EPC1: variants seen among roughly 807,000 people sequenced by gnomAD.
The protein encoded by EPC1 is enhancer of polycomb homolog 1.
In EPC1, 12 loss-of-function variants were observed where a neutral mutation model predicts 98.4. The ratio of observed to expected loss-of-function variants is 0.12; its 90% CI spans 0.08 to 0.20. The LOEUF is 0.20. Ranked by LOEUF, EPC1 falls within the 10% of genes least tolerant of loss-of-function variation. EPC1 has a pLI of 1.00. For synonymous variants in EPC1, 357 were observed against 363.9 expected (o/e 0.98, Z 0.21); for missense variants, 729 against 990.5 (o/e 0.74, Z 3.54).
chr10:32,293,485 T>C (rs1592558429), intron 3 of EPC1, 107 bp downstream of exon 3: 1 of 1,067,086 alleles, frequency 9.4e-7, no homozygotes. Flanking sequence ...TTTTTAACTC[T>C]AAAGCCTGAC....
chr10:32,276,506 C>T (rs1156807310), intron 10 of EPC1, among the ~76,000 whole-genome samples: 1 of 152,150 alleles, frequency 6.6e-6, no homozygotes, highest in African/African-American at 2.4e-5. Context: ...AGCAAGACTT[C>T]ATCTTAAAAA....
At chr10:32,309,059 G>A (rs1027176556) in intron 1 of EPC1, among the ~76,000 whole-genome samples, 1 of 152,050 alleles carries the variant, frequency 6.6e-6, no homozygotes, top group Non-Finnish European at 1.5e-5. Flanking sequence ...GCATATTCTC[G>A]CTCATTATGT....
At chr10:32,348,778 C>T (rs1432840642), upstream of EPC1, among the ~76,000 whole-genome samples, 1 of 152,096 alleles carries the variant, frequency 6.6e-6, no homozygotes, top group Non-Finnish European at 1.5e-5. Flanking sequence ...GAAGGACCCG[C>T]GAATGGCAAC....
intron 1 of EPC1, among the ~76,000 whole-genome samples, chr10:32,371,164 C>G (rs1043448632): frequency 1.3e-5 from 2 of 152,180 alleles, no homozygotes; most frequent in African/African-American, 2.4e-5. Context: ...AATAATGGAA[C>G]CGCAAAGCAA....
intron 1 of EPC1, among the ~76,000 whole-genome samples, chr10:32,307,765 GTGCTCT>G (rs1483631452): frequency 6.6e-6 from 1 of 152,110 alleles, no homozygotes; most frequent in Admixed American, 6.5e-5. Flanking sequence ...AGTTACATGC[GTGCTCT>G]TGAACTCTCA....
At chr10:32,281,885 A>C (rs1438825883) in intron 10 of EPC1, 1 of 151,934 alleles carries the variant, frequency 6.6e-6, no homozygotes, top group African/African-American at 2.4e-5. Flanking sequence ...TAGCCAGGCT[A>C]GTGTGGAACT....
intron 1 of EPC1, among the ~76,000 whole-genome samples, chr10:32,372,544 T>C (rs1314431914): frequency 1.3e-5 from 2 of 152,252 alleles, no homozygotes; most frequent in Non-Finnish European, 2.9e-5. Context: ...TCATGAGATG[T>C]TCCTGAAGAG....
intron 1 of EPC1, among the ~76,000 whole-genome samples, chr10:32,311,189 T>C (rs1360960308): frequency 6.6e-6 from 1 of 151,750 alleles, no homozygotes; most frequent in East Asian, 1.9e-4. Context: ...GGTGGGCGCC[T>C]GTAGTCCCAG....
At chr10:32,328,730 T>C (rs1366782012) in intron 1 of EPC1, among the ~76,000 whole-genome samples, 2 of 152,106 alleles carry the variant, frequency 1.3e-5, no homozygotes, top group African/African-American at 2.4e-5. Flanking sequence ...CACACGGGGC[T>C]GTGGGGGGAT....
intron 2 of EPC1, among the ~76,000 whole-genome samples, chr10:32,302,494 AC>A (rs543392120): frequency 6.1e-4 from 90 of 147,870 alleles, no homozygotes; most frequent in African/African-American, 2.1e-3. Flanking sequence ...CTAAAACAAA[AC>A]AAAAATTAGC....
intron 1 of EPC1, among the ~76,000 whole-genome samples, chr10:32,314,038 CAATT>C (rs1040835152): frequency 7.2e-5 from 11 of 152,200 alleles, no homozygotes; most frequent in East Asian, 3.9e-4. Flanking sequence ...TGTGATTTCA[CAATT>C]AATTGCTGTA....
In EPC1 at chr10:32,328,201, G is replaced by A. The variant is rs557658309; in HGVS notation, c.153+18562C>T. Among the ~76,000 whole-genome samples, 117 of 152,292 alleles carry A rather than the reference G, an allele frequency of 7.7e-4. 1 individual carries two copies. Among genetic ancestry groups the A allele is most frequent in the African/African-American group, 2.8e-3 (116 of 41,562 alleles). On this transcript the variant is annotated intron_variant, in intron 1 of 13. Transcript: ENST00000319778. ...TGTTAAAACATCTGAACGGGTTAAA[G>A]AGAAGAGTCTCAGAGCAGAGATCCA...
At chr10:32,287,351 A>T in intron 6 of EPC1, 77 bp from the exon 7 acceptor site, 2 of 1,489,976 alleles carry the variant, frequency 1.3e-6, no homozygotes, top group Non-Finnish European at 9.2e-7. Flanking sequence ...AAATTTTAAA[A>T]AGAAGTTTAT....
At chr10:32,329,401 G>T (rs557601551) in intron 1 of EPC1, among the ~76,000 whole-genome samples, 1 of 152,316 alleles carries the variant, frequency 6.6e-6, no homozygotes, top group Admixed American at 6.5e-5. Flanking sequence ...TTTTGGGATT[G>T]TTATGTTTAT....
At chr10:32,337,455 T>A (rs533402252) in intron 1 of EPC1, among the ~76,000 whole-genome samples, 1 of 152,308 alleles carries the variant, frequency 6.6e-6, no homozygotes, top group Admixed American at 6.5e-5. Flanking sequence ...GAGCTCTTTT[T>A]CTGTGCAGCC....
At chr10:32,270,350 T>A (rs1006405270) in intron 13 of EPC1, among the ~76,000 whole-genome samples, 5 of 152,246 alleles carry the variant, frequency 3.3e-5, no homozygotes, top group Non-Finnish European at 7.3e-5. Flanking sequence ...CTTTTTCTTT[T>A]GTTTCTCCCA....
chr10:32,293,890 G>A (rs1031980270), intron 2 of EPC1, among the ~76,000 whole-genome samples, 153 bp from the exon 3 acceptor site: 26 of 152,222 alleles, frequency 1.7e-4, no homozygotes, highest in African/African-American at 6.3e-4. Context: ...TCTAAGCTTA[G>A]ATTTGTCTTA....
At chr10:32,307,668 A>G (rs144197005) in intron 1 of EPC1, among the ~76,000 whole-genome samples, 220 of 152,308 alleles carry the variant, frequency 1.4e-3, no homozygotes, top group African/African-American at 5.0e-3. Context: ...AGCAAGTTCT[A>G]TCTTCTACTT....
At chr10:32,333,288 C>T (rs931898903) in intron 1 of EPC1, among the ~76,000 whole-genome samples, 4 of 152,076 alleles carry the variant, frequency 2.6e-5, no homozygotes, top group African/African-American at 7.2e-5. Flanking sequence ...TGCAGTGAGC[C>T]GAGATCGTGC....
Sources: allele counts gnomAD v4.1 joint callset (sites outside exome capture counted in the v4.1 genomes callset), GRCh38; gene constraint gnomAD v4.1.1; transcripts MANE v1.5; gene names NCBI Gene and HGNC (gene_info 2026-07-23, HGNC 2026-07-21).